SLC5A4: variants seen among roughly 807,000 people sequenced by gnomAD.
The protein encoded by SLC5A4 is probable glucose sensor protein SLC5A4.
Under a neutral mutation model 70.3 loss-of-function variants are expected in SLC5A4, and 55 were observed. The observed-to-expected ratio is 0.78, with a 90% CI of 0.63 to 0.98. The LOEUF is 0.98. Ranked by LOEUF, SLC5A4 falls within the 50% of genes least tolerant of loss-of-function variation. The pLI is 0.00. For synonymous variants in SLC5A4, 268 were observed against 305.7 expected (o/e 0.88, Z 1.29); for missense variants, 735 against 839.2 (o/e 0.88, Z 1.53).
chr22:32,348,912 C>T, the SLC5A4 span, among the ~76,000 whole-genome samples: 1 of 152,180 alleles, frequency 6.6e-6, no homozygotes, highest in Admixed American at 6.5e-5. Flanking sequence ...CCATAACTTG[C>T]TTAAATTTTA....
the SLC5A4 span, chr22:32,285,118 T>C: frequency 3.3e-5 from 5 of 152,314 alleles, no homozygotes; most frequent in Admixed American, 3.3e-4. Flanking sequence ...TTAATAAATT[T>C]TATAATAAAA....
intron 1 of SLC5A4, 78 bp from the exon 2 acceptor site, chr22:32,254,291 C>T: frequency 9.7e-7 from 1 of 1,027,110 alleles, no homozygotes; most frequent in Non-Finnish European, 1.5e-6. Context: ...GGCCAGGGTG[C>T]TGAGAGGGGT....
chr22:32,280,264 C>A, the SLC5A4 span, among the ~76,000 whole-genome samples: 1 of 152,070 alleles, frequency 6.6e-6, no homozygotes, highest in Non-Finnish European at 1.5e-5. Flanking sequence ...GATCCACCCC[C>A]CCTCAACCTC....
chr22:32,330,789 G>A, the SLC5A4 span, among the ~76,000 whole-genome samples: 6 of 128,548 alleles, frequency 4.7e-5, no homozygotes, highest in East Asian at 2.6e-4. Flanking sequence ...TCTGGTGTGT[G>A]TGTTGGGGGC....
At chr22:32,317,691 C>T in the SLC5A4 span, among the ~76,000 whole-genome samples, 1 of 152,158 alleles carries the variant, frequency 6.6e-6, no homozygotes, top group African/African-American at 2.4e-5. Flanking sequence ...ATCTTGATCT[C>T]CTGGCCTCAA....
chr22:32,293,661 CTTTA>C, the SLC5A4 span, among the ~76,000 whole-genome samples: 7 of 152,032 alleles, frequency 4.6e-5, no homozygotes, highest in Non-Finnish European at 4.4e-5. Flanking sequence ...ATCAGCCATT[CTTTA>C]TTTAGATTTG....
chr22:32,238,613 G>C (rs1157844159), intron 6 of SLC5A4, among the ~76,000 whole-genome samples: 2 of 152,136 alleles, frequency 1.3e-5, no homozygotes, highest in African/African-American at 4.8e-5. Flanking sequence ...GGCATCCTGT[G>C]TTCATTTGAA....
the SLC5A4 span, among the ~76,000 whole-genome samples, chr22:32,303,708 G>C: frequency 6.6e-6 from 1 of 152,218 alleles, no homozygotes; most frequent in African/African-American, 2.4e-5. Context: ...TCCACCTACA[G>C]ATGGACATCT....
chr22:32,308,357 C>T, the SLC5A4 span, among the ~76,000 whole-genome samples: 1 of 152,198 alleles, frequency 6.6e-6, no homozygotes, highest in Non-Finnish European at 1.5e-5. Context: ...GCGAAGGCAG[C>T]CACGCCAGTG....
intron 5 of SLC5A4, among the ~76,000 whole-genome samples, chr22:32,239,542 ATATATATATATATATATATATATATATT>A (rs1569374744): frequency 7.8e-5 from 1 of 12,870 alleles, no homozygotes; most frequent in African/African-American, 7.8e-4. Context: ...ATATATATAT[ATATATATATATATATATATATATATATT>A]TATATATATA....
chr22:32,262,778 A>T, the SLC5A4 span, among the ~76,000 whole-genome samples: 120 of 150,870 alleles, frequency 8.0e-4, no homozygotes, highest in Non-Finnish European at 1.5e-3. Flanking sequence ...TTTTATTTTT[A>T]TTTTTTTTTG....
the SLC5A4 span, chr22:32,272,566 G>T: frequency 3.1e-6 from 2 of 638,972 alleles, no homozygotes; most frequent in Non-Finnish European, 2.9e-6. Context: ...GAGGTGTACA[G>T]CGTGGACTTC....
At chr22:32,326,011 A>G in the SLC5A4 span, among the ~76,000 whole-genome samples, 1 of 152,220 alleles carries the variant, frequency 6.6e-6, no homozygotes, top group Non-Finnish European at 1.5e-5. Flanking sequence ...TGCAGCTGGC[A>G]GGCCTGGTGG....
upstream of SLC5A4, among the ~76,000 whole-genome samples, chr22:32,258,972 G>A (rs5998350): frequency 0.078 from 11,879 of 152,262 alleles, 743 homozygotes; most frequent in African/African-American, 0.18. Flanking sequence ...ACCTGTCACA[G>A]GAGGTCAAAT....
the SLC5A4 span, among the ~76,000 whole-genome samples, chr22:32,345,456 T>C: frequency 6.6e-6 from 1 of 152,210 alleles, no homozygotes; most frequent in Non-Finnish European, 1.5e-5. Flanking sequence ...TAAAAATACG[T>C]AGTTTGCAAG....
the SLC5A4 span, among the ~76,000 whole-genome samples, chr22:32,282,476 G>C: frequency 6.6e-6 from 1 of 152,050 alleles, no homozygotes. Context: ...TTGTGAACTT[G>C]ACCTTGAACA....
the SLC5A4 span, among the ~76,000 whole-genome samples, chr22:32,323,615 G>T: frequency 6.6e-6 from 1 of 152,232 alleles, no homozygotes; most frequent in Non-Finnish European, 1.5e-5. Flanking sequence ...TTGGAACAGA[G>T]GGAGCCCAGG....
At chr22:32,353,391 A>G in the SLC5A4 span, among the ~76,000 whole-genome samples, 6 of 151,998 alleles carry the variant, frequency 3.9e-5, no homozygotes, top group Admixed American at 6.5e-5. Flanking sequence ...CAGTTTCCGC[A>G]ACACATAGAG....
the SLC5A4 span, among the ~76,000 whole-genome samples, chr22:32,310,845 C>G: frequency 6.6e-6 from 1 of 152,338 alleles, no homozygotes; most frequent in Admixed American, 6.5e-5. Flanking sequence ...CAAGTTTGTT[C>G]TGCTTTTCCA....
Sources: allele counts gnomAD v4.1 joint callset (sites outside exome capture counted in the v4.1 genomes callset), GRCh38; gene constraint gnomAD v4.1.1; transcripts MANE v1.5; gene names NCBI Gene and HGNC (gene_info 2026-07-23, HGNC 2026-07-21).